Variants in KDM1B observed in about 807,000 individuals in gnomAD.
The protein encoded by KDM1B is lysine-specific histone demethylase 2.
A neutral mutation model predicts 107.4 loss-of-function variants in KDM1B; 63 were observed. That is an observed-to-expected ratio of 0.59 (90% CI 0.48 to 0.72). KDM1B has a LOEUF of 0.72. KDM1B is among the 30% of genes least tolerant of loss of function. The probability of loss-of-function intolerance (pLI) is 0.00; values close to 1 mark genes in which losing one functional copy is unlikely to be tolerated. For synonymous variants in KDM1B, 363 were observed against 363.9 expected (o/e 1.00, Z 0.03); for missense variants, 749 against 1,020.8 (o/e 0.73, Z 3.63).
At chr6:18,192,330 C>T (rs1263765746) in intron 10 of KDM1B, among the ~76,000 whole-genome samples, 3 of 152,082 alleles carry the variant, frequency 2.0e-5, no homozygotes, top group East Asian at 1.9e-4. Context: ...CAGCAGTTTG[C>T]GTCATTGCTG....
chr6:18,161,001 A>G (rs79325856), intron 3 of KDM1B, among the ~76,000 whole-genome samples: 7,947 of 151,534 alleles, frequency 0.052, 247 homozygotes, highest in African/African-American at 0.087. Context: ...TGATCCTTCC[A>G]CCTCAGCCAC....
At chr6:18,219,633 C>G (rs972421337) in intron 21 of KDM1B, among the ~76,000 whole-genome samples, 4 of 152,206 alleles carry the variant, frequency 2.6e-5, no homozygotes, top group African/African-American at 9.7e-5. Flanking sequence ...CTGGTTTCCT[C>G]AGTCTCAGAG....
At chr6:18,218,553 G>T (rs566896413) in intron 21 of KDM1B, among the ~76,000 whole-genome samples, 2 of 152,098 alleles carry the variant, frequency 1.3e-5, no homozygotes, top group Non-Finnish European at 2.9e-5. Flanking sequence ...CATTAAATTG[G>T]TATTGGTATT....
chr6:18,156,726 G>C (rs1273785341), intron 2 of KDM1B, among the ~76,000 whole-genome samples: 2 of 152,050 alleles, frequency 1.3e-5, no homozygotes, highest in Non-Finnish European at 2.9e-5. Context: ...AGACCAGCCT[G>C]GCCAAGGTGG....
chr6:18,200,321 T>C lies in KDM1B; in HGVS notation c.1222-118T>C. ...CTTTTTAAAGTTGTTTTTTTAGAAA[T>C]ATTTGGAATTAACCAAATATAGAGG... is the stretch of plus-strand genomic sequence containing the variant. On this transcript the variant is annotated intron_variant, in intron 12 of 21. Coordinates refer to ENST00000650836, the MANE Select transcript of KDM1B (RefSeq NM_001364614.2). This position sits in a 1 kb window ranked among gnomAD's most constrained non-coding sequence, Gnocchi z 4.3. The C allele has an allele frequency of 9.7e-7, 1 of 1,030,316 alleles. No individual in the cohort carries two copies. The highest frequency in any genetic ancestry group is 1.4e-6 in the Non-Finnish European group (1 of 717,936). 63.8% of individuals were successfully genotyped at this position (1,030,316 alleles called of 1,614,324 possible). A position where few individuals can be genotyped will look rare whatever the true frequency, so the allele number is the denominator to read the frequency against.
intron 10 of KDM1B, among the ~76,000 whole-genome samples, chr6:18,195,747 A>G (rs564998027): frequency 3.3e-5 from 5 of 151,894 alleles, no homozygotes; most frequent in East Asian, 3.9e-4. Context: ...AAAAAAAAAA[A>G]AGAGAAAGAA....
At position 18,161,309 on chromosome 6, in the gene KDM1B, C is replaced by G. The variant is rs775449445; in HGVS notation, c.88-18C>G. ...GCCATCATCAGTGAAATTTTAACAT[C>G]AGCTGTGACTCCCTTAGGCGAAGAA... On this transcript the variant is annotated intron_variant, in intron 3 of 21. Transcript: ENST00000650836. 6.2e-6 allele frequency: 10 copies of G among 1,612,482 alleles called. No individual in the cohort carries two copies. The highest frequency in any genetic ancestry group is 1.7e-5 in the Admixed American group (1 of 59,892).
chr6:18,162,754 G>T lies in KDM1B; in HGVS notation c.216-81G>T. ...ATAATGCAAAATGGGTTCATAGATG[G>T]TGCTTGCAAGATGTTTTTTAAAAAA... On this transcript the variant is annotated intron_variant, in intron 4 of 21. Transcript: ENST00000650836. The surrounding 1 kb of genome is among the most constrained non-coding windows in gnomAD (Gnocchi z 4.1). 1 of 792,538 alleles carries T rather than the reference G, an allele frequency of 1.3e-6. No homozygotes were observed. The highest frequency in any genetic ancestry group is 2.2e-6 in the Non-Finnish European group (1 of 451,980). The allele number at this position is 792,538 out of a possible 1,614,324, so 49.1% of individuals were successfully genotyped here. A position where few individuals can be genotyped will look rare whatever the true frequency, so the allele number is the denominator to read the frequency against.
intron 17 of KDM1B, among the ~76,000 whole-genome samples, chr6:18,210,511 C>T (rs73366518): frequency 0.025 from 3,765 of 151,598 alleles, 154 homozygotes; most frequent in African/African-American, 0.086. Context: ...GCACATGCCA[C>T]CACACTCAGC....
chr6:18,220,932 G>GT (rs1789666770), intron 21 of KDM1B, among the ~76,000 whole-genome samples: 1 of 151,594 alleles, frequency 6.6e-6, no homozygotes, highest in Non-Finnish European at 1.5e-5. Flanking sequence ...TTTTTTTTTA[G>GT]TAGAGATGGG....
At chr6:18,168,843 T>TA (rs1785482350) in intron 6 of KDM1B, among the ~76,000 whole-genome samples, 2 of 152,176 alleles carry the variant, frequency 1.3e-5, no homozygotes, top group African/African-American at 4.8e-5. Flanking sequence ...TTTGGAGAAA[T>TA]ATCTGTTAAC....
intron 6 of KDM1B, among the ~76,000 whole-genome samples, chr6:18,168,885 T>G (rs1316201949): frequency 2.0e-5 from 3 of 152,202 alleles, no homozygotes; most frequent in Non-Finnish European, 4.4e-5. Flanking sequence ...TGTTTTGTCG[T>G]CTTTGAGATG....
chr6:18,160,903 C>T (rs973662894), intron 3 of KDM1B, among the ~76,000 whole-genome samples: 1 of 147,822 alleles, frequency 6.8e-6, no homozygotes, highest in African/African-American at 2.5e-5. Flanking sequence ...TCGTGTGTGC[C>T]ACAATGCCTG....
chr6:18,169,928 G>T (rs1318473309), intron 6 of KDM1B, among the ~76,000 whole-genome samples: 1 of 151,552 alleles, frequency 6.6e-6, no homozygotes, highest in African/African-American at 2.4e-5. Flanking sequence ...TTATTTTTTT[G>T]AGACAGAGTC....
At chr6:18,166,009 G>C (rs867167317) in intron 5 of KDM1B, among the ~76,000 whole-genome samples, 3 of 151,966 alleles carry the variant, frequency 2.0e-5, no homozygotes, top group African/African-American at 7.3e-5. Flanking sequence ...CCTGTATCAA[G>C]GGGAAAAAAA....
At chr6:18,179,443 A>G (rs547377400) in intron 7 of KDM1B, among the ~76,000 whole-genome samples, 2 of 152,024 alleles carry the variant, frequency 1.3e-5, no homozygotes, top group East Asian at 1.9e-4. Context: ...ATTTTGTTGT[A>G]TAGGTTTGAT....
At chr6:18,199,050 T>G (rs1189906052) in intron 12 of KDM1B, among the ~76,000 whole-genome samples, 2 of 144,584 alleles carry the variant, frequency 1.4e-5, no homozygotes, top group African/African-American at 2.6e-5. Context: ...AACAGAAAAT[T>G]AGCCGGGCAT....
rs214619 is a variant in KDM1B at position 18,197,859 on chromosome 6, G to A, written c.1221+198G>A. Among the ~76,000 whole-genome samples, 10,754 of 151,818 alleles carry A rather than the reference G, an allele frequency of 0.071. 466 individuals carry two copies. The highest frequency in any genetic ancestry group is 0.22 in the South Asian group (1,052 of 4,810). ...GGTAAATAGAAATTCTCACAGCTTT[G>A]GAGATAATTTTAGACTCTAATGAGC... is the stretch of plus-strand genomic sequence containing the variant. On this transcript the variant is annotated intron_variant, in intron 12 of 21. Coordinates refer to ENST00000650836, the MANE Select transcript of KDM1B (RefSeq NM_001364614.2). The surrounding 1 kb of genome is among the most constrained non-coding windows in gnomAD (Gnocchi z 4.5).
chr6:18,179,421 A>G (rs991031395), intron 7 of KDM1B, among the ~76,000 whole-genome samples: 3 of 152,096 alleles, frequency 2.0e-5, no homozygotes, highest in African/African-American at 7.2e-5. Context: ...CGAGCAGTAT[A>G]TCCTCTTTTC....
Sources: gnomAD v4.1 joint callset for allele counts (sites outside exome capture counted in the v4.1 genomes callset) on GRCh38, gnomAD v4.1.1 for gene constraint, Gnocchi (gnomAD v3.1) non-coding constraint, MANE v1.5 for transcripts, NCBI Gene and HGNC (gene_info 2026-07-23, HGNC 2026-07-21) for gene names.